The following NOP9 variants were observed in gnomAD, a reference collection of about 807,000 sequenced individuals.
NOP9 encodes the protein nucleolar protein 9.
NOP9 carries 50 observed loss-of-function variants against 63.0 expected under a neutral mutation model. The observed-to-expected ratio is 0.79, with a 90% confidence interval of 0.63 to 1.00. The LOEUF (loss-of-function observed/expected upper bound fraction) is 1.00, where lower values mean the gene tolerates loss of function less well. Among genes scored for constraint, NOP9 ranks in the 50% least tolerant of loss-of-function variants. The probability of loss-of-function intolerance (pLI) is 0.00; values close to 1 mark genes in which losing one functional copy is unlikely to be tolerated. For synonymous variants in NOP9, 343 were observed against 332.8 expected, an observed-to-expected ratio of 1.03 and a Z score of -0.33; for missense variants, 758 against 803.0, an observed-to-expected ratio of 0.94 and a Z score of 0.68.
the NOP9 span, among the ~76,000 whole-genome samples, chr14:24,278,105 C>T: frequency 2.0e-5 from 3 of 152,140 alleles, no homozygotes; most frequent in Admixed American, 2.0e-4. Context: ...CTCTGACCAT[C>T]GCAGAGCACA....
At chr14:24,292,040 A>G in the NOP9 span, 1 of 1,051,394 alleles carries the variant, frequency 9.5e-7, no homozygotes, top group Non-Finnish European at 1.4e-6. Context: ...CCCTTACAGG[A>G]TTAAAGGAAA....
Position 24,300,664 on chromosome 14 carries a change from G to T in NOP9, c.504G>T (p.Glu168Asp), listed in dbSNP as rs2041356491. The change falls in exon 2 of 10, where the codon GAG (glutamate) becomes GAT (aspartate). Residue 168 changes from glutamate to aspartate, a missense_variant. Transcript: ENST00000267425. ...GSAAEEEEEE[E>D]EDGKDGPTET... ...CTGCAGAGGAGGAGGAGGAGGAGGA[G>T]GAGGATGGAAAGGATGGTCCCACGG... The T allele has an allele frequency of 1.2e-6, 2 of 1,613,784 alleles. No individual in the cohort carries two copies. The highest frequency in any genetic ancestry group is 1.7e-6 in the Non-Finnish European group (2 of 1,179,912).
Position 24,307,516 on chromosome 14 carries a change from C to T in NOP9, c.*2421C>T. The T allele has an allele frequency of 1.2e-6, 2 of 1,612,298 alleles. No homozygotes were observed. Among genetic ancestry groups the T allele is most frequent in the Non-Finnish European group, 8.5e-7 (1 of 1,178,914 alleles). On this transcript the variant is annotated 3_prime_UTR_variant, in exon 10 of 10. Transcript: ENST00000267425. ...CTCCGAGCTTATATTAGATACTGAC[C>T]TGGTAGTTGAGAAGAAAAGTCAAGA...
At chr14:24,288,900 C>T in the NOP9 span, among the ~76,000 whole-genome samples, 1 of 151,682 alleles carries the variant, frequency 6.6e-6, no homozygotes, top group Non-Finnish European at 1.5e-5. Flanking sequence ...GCTGTAGTGG[C>T]GTGATCACGC....
the NOP9 span, among the ~76,000 whole-genome samples, chr14:24,274,754 G>A: frequency 6.6e-6 from 1 of 150,376 alleles, no homozygotes; most frequent in African/African-American, 2.5e-5. Flanking sequence ...GACTACAGGC[G>A]CCTGCCACCC....
chr14:24,274,977 A>G, the NOP9 span, among the ~76,000 whole-genome samples: 3 of 128,858 alleles, frequency 2.3e-5, no homozygotes, highest in Non-Finnish European at 4.7e-5. Context: ...CAATGGCACC[A>G]TCTTGGCTCA....
the NOP9 span, among the ~76,000 whole-genome samples, chr14:24,288,530 A>G: frequency 6.6e-6 from 1 of 151,844 alleles, no homozygotes; most frequent in Non-Finnish European, 1.5e-5. Context: ...TTGTATTTTT[A>G]TTAGAGATGG....
At chr14:24,296,695 G>A (rs1420098381), upstream of NOP9, 1 of 1,613,958 alleles carries the variant, frequency 6.2e-7, no homozygotes, top group South Asian at 1.1e-5. Flanking sequence ...GGTCTGAGGG[G>A]GAGGTCAGAA....
intron 2 of NOP9, 105 bp downstream of exon 2, chr14:24,300,962 G>A (rs986552414): frequency 3.2e-6 from 3 of 930,248 alleles, no homozygotes; most frequent in African/African-American, 3.3e-5. Context: ...AGCTTGACCG[G>A]GAAGAATTAG....
chr14:24,296,563 G>A, upstream of NOP9: 1 of 1,614,170 alleles, frequency 6.2e-7, no homozygotes. Context: ...TTCCCAGAAT[G>A]CCTTATTCCT....
At chr14:24,303,336 AG>A in intron 6 of NOP9, 122 bp downstream of exon 6, 17 of 1,278,588 alleles carry the variant, frequency 1.3e-5, no homozygotes, top group Non-Finnish European at 1.9e-5. Flanking sequence ...AGGAGTTCAC[AG>A]GAATGGGGGA....
rs371813029 is a variant in NOP9 at position 24,305,621 on chromosome 14, G to C, written c.*526G>C. ...GGTTGGAATGATTCTGGGGGCAGAAGCTCAGAGCCCCTTAGTAGGAATGGA... is the reference window on the plus strand; with the variant it reads ...GGTTGGAATGATTCTGGGGGCAGAACCTCAGAGCCCCTTAGTAGGAATGGA... On this transcript the variant is annotated 3_prime_UTR_variant, in exon 10 of 10. Transcript: ENST00000267425. 1.2e-6 allele frequency: 2 copies of C among 1,607,182 alleles called. No homozygotes were observed. Among genetic ancestry groups the C allele is most frequent in the Non-Finnish European group, 1.7e-6 (2 of 1,177,244 alleles).
In NOP9 at chr14:24,304,958, A is replaced by G. The variant is rs765815866; in HGVS notation, c.1774A>G (p.Ile592Val). Residue 592 changes from isoleucine (I) to valine (V), a missense_variant, in exon 10 of 10, where the codon ATA (isoleucine) becomes GTA (valine). By Grantham distance (29) the Ile-to-Val change is conservative (BLOSUM62 3). Coordinates refer to ENST00000267425, the MANE Select transcript of NOP9 (RefSeq NM_174913.3). ...TGCAGGGGAGCAGAACCAGGAGCTG[A>G]TAAGAGACCCTTTCGGCCACCATGT... ...AELGEQNQEL[I>V]RDPFGHHVAR... is the part of the protein sequence containing the mutation. The G allele has an allele frequency of 1.9e-6, 3 of 1,565,620 alleles. No individual in the cohort carries two copies. The highest frequency in any genetic ancestry group is 2.3e-5 in the East Asian group (1 of 43,712).
chr14:24,302,837 C>T (rs1230432733), intron 5 of NOP9, among the ~76,000 whole-genome samples: 3 of 152,360 alleles, frequency 2.0e-5, no homozygotes, highest in South Asian at 2.1e-4. Context: ...TCTCCCCTTG[C>T]TCCTAGTGCT....
rs1339870994 is a variant in NOP9, at chr14:24,299,982, A to G, written c.28A>G (p.Lys10Glu). The change falls in exon 1 of 10, where the codon AAG (lysine) becomes GAG (glutamate). Residue 10 changes from lysine to glutamate, a missense_variant. Lys to Glu is a moderately conservative substitution (Grantham distance 56, BLOSUM62 1). Coordinates refer to ENST00000267425, the MANE Select transcript of NOP9 (RefSeq NM_174913.3). MGQGPRSPH[K>E]VGRRFPAGGK... ...GGGGCAGGGTCCGCGCTCTCCACACAAGGTGGGGCGCCGGTTCCCAGCTGG... is the reference window on the plus strand; with the variant it reads ...GGGGCAGGGTCCGCGCTCTCCACACGAGGTGGGGCGCCGGTTCCCAGCTGG... The G allele has an allele frequency of 1.9e-6, 3 of 1,590,892 alleles. No individual in the cohort carries two copies. Among genetic ancestry groups the G allele is most frequent in the South Asian group, 2.2e-5 (2 of 89,094 alleles).
the NOP9 span, among the ~76,000 whole-genome samples, chr14:24,288,336 T>TGAGAGAAG: frequency 6.6e-6 from 1 of 152,126 alleles, no homozygotes; most frequent in Non-Finnish European, 1.5e-5. Context: ...ATTTATTTGT[T>TGAGAGAAG]GAGAGAAGGA....
At chr14:24,272,426 A>G in the NOP9 span, among the ~76,000 whole-genome samples, 3 of 152,182 alleles carry the variant, frequency 2.0e-5, no homozygotes, top group Non-Finnish European at 2.9e-5. Context: ...ATTGTAGTGA[A>G]TGGCACTATT....
upstream of NOP9, among the ~76,000 whole-genome samples, chr14:24,295,660 T>C (rs987541434): frequency 2.6e-5 from 4 of 152,220 alleles, no homozygotes; most frequent in African/African-American, 9.7e-5. Flanking sequence ...GCTATGGTCA[T>C]GAACACTGGC....
chr14:24,295,406 A>G (rs2041232749), upstream of NOP9, among the ~76,000 whole-genome samples: 1 of 152,216 alleles, frequency 6.6e-6, no homozygotes. Flanking sequence ...GAAAACAAGT[A>G]GAGTTATAGT....
Sources: gnomAD v4.1 joint callset for allele counts (sites outside exome capture counted in the v4.1 genomes callset) on GRCh38, gnomAD v4.1.1 for gene constraint, MANE v1.5 for transcripts, NCBI Gene and HGNC (gene_info 2026-07-23, HGNC 2026-07-21) for gene names.